Variants in PLXDC2 observed in about 807,000 individuals in gnomAD.
PLXDC2 encodes the protein plexin domain-containing protein 2.
In PLXDC2, 40 loss-of-function variants were observed where a neutral mutation model predicts 68.9. The observed-to-expected ratio is 0.58, with a 90% confidence interval of 0.45 to 0.76. The LOEUF (loss-of-function observed/expected upper bound fraction) is 0.76, where lower values mean the gene tolerates loss of function less well. PLXDC2 is among the 30% of genes least tolerant of loss of function. The pLI is 0.00. For synonymous variants in PLXDC2, 243 were observed against 234.2 expected (o/e 1.04, Z -0.34); for missense variants, 644 against 661.9 (o/e 0.97, Z 0.30).
chr10:20,144,191 AT>A (rs1834043594), intron 5 of PLXDC2, among the ~76,000 whole-genome samples: 1 of 152,278 alleles, frequency 6.6e-6, no homozygotes, highest in East Asian at 1.9e-4. Flanking sequence ...TGTATTTATC[AT>A]TCAAAAATGA....
chr10:20,266,205 T>A lies in PLXDC2; in HGVS notation c.1474-13498T>A, dbSNP rs576594734. Among the ~76,000 whole-genome samples, 4 of 152,250 alleles carry A rather than the reference T, an allele frequency of 2.6e-5. No individual in the cohort carries two copies. In the South Asian group the frequency reaches 8.3e-4, roughly 32 times the overall value. On this transcript the variant is annotated intron_variant, in intron 13 of 13. Transcript: ENST00000377252. ...GTTTTAGCAAACAACATAATGACAT[T>A]TGAATATTTCTTTGTTTAGAAAAAG...
intron 9 of PLXDC2, among the ~76,000 whole-genome samples, chr10:20,182,194 C>A (rs898610900): frequency 5.3e-5 from 8 of 151,572 alleles, no homozygotes; most frequent in African/African-American, 1.9e-4. Context: ...TCCCATGTAA[C>A]CATCACCACA....
chr10:20,076,499 A>G (rs974252813), intron 4 of PLXDC2, among the ~76,000 whole-genome samples: 1 of 152,218 alleles, frequency 6.6e-6, no homozygotes, highest in Non-Finnish European at 1.5e-5. Flanking sequence ...TGTTAATGAT[A>G]CCTGTTTCAT....
At chr10:20,168,532 T>G (rs1390439524) in intron 7 of PLXDC2, among the ~76,000 whole-genome samples, 1 of 152,164 alleles carries the variant, frequency 6.6e-6, no homozygotes, top group East Asian at 1.9e-4. Flanking sequence ...TATGTTGATG[T>G]GTGTTGTTTT....
At chr10:20,154,382 G>A (rs917248749) in intron 6 of PLXDC2, among the ~76,000 whole-genome samples, 5 of 152,180 alleles carry the variant, frequency 3.3e-5, no homozygotes, top group Non-Finnish European at 5.9e-5. Flanking sequence ...CTGGCAACAT[G>A]GTGTAACCCT....
intron 1 of PLXDC2, among the ~76,000 whole-genome samples, chr10:19,967,076 A>T (rs920713873): frequency 6.6e-6 from 1 of 152,206 alleles, no homozygotes; most frequent in African/African-American, 2.4e-5. Flanking sequence ...GGAGCAGCCA[A>T]CCTTGTATAA....
At chr10:20,020,173 A>T (rs1251913813) in intron 2 of PLXDC2, among the ~76,000 whole-genome samples, 1 of 108,962 alleles carries the variant, frequency 9.2e-6, no homozygotes, top group Non-Finnish European at 1.8e-5. Flanking sequence ...CACCACACCC[A>T]GCAAATTTTT....
Position 19,903,408 on chromosome 10 carries a change from T to C in PLXDC2, c.112+86217T>C, listed in dbSNP as rs1048343105. Among the ~76,000 whole-genome samples the C allele has an allele frequency of 4.6e-5, 7 of 151,794 alleles. No homozygotes were observed. The East Asian group carries it at 1.2e-3, about 25-fold the overall frequency. On this transcript the variant is annotated intron_variant, in intron 1 of 13. Coordinates refer to ENST00000377252, the MANE Select transcript of PLXDC2 (RefSeq NM_032812.9). ...ATCTTCCTGGTTTAATCTGGGAGGG[T>C]TGTATATTTCCAGGAATTTATCCAT...
chr10:19,871,100 T>G (rs72784144), intron 1 of PLXDC2, among the ~76,000 whole-genome samples: 27,405 of 152,138 alleles, frequency 0.18, 3,071 homozygotes, highest in African/African-American at 0.32. Flanking sequence ...AAGGCAGGTC[T>G]AGATCCTCTT....
intron 1 of PLXDC2, among the ~76,000 whole-genome samples, chr10:19,947,695 TTTTC>T (rs1440284601): frequency 5.8e-5 from 8 of 137,778 alleles, no homozygotes; most frequent in Non-Finnish European, 9.3e-5. Context: ...TCCTTTTTTC[TTTTC>T]TTTCTTTCTT....
chr10:20,219,330 G>T (rs1482354258), intron 12 of PLXDC2, among the ~76,000 whole-genome samples: 2 of 152,182 alleles, frequency 1.3e-5, no homozygotes, highest in Non-Finnish European at 2.9e-5. Flanking sequence ...CAATGATAAA[G>T]TGGAAAATTC....
intron 1 of PLXDC2, among the ~76,000 whole-genome samples, chr10:19,895,790 C>T (rs187041477): frequency 1.8e-4 from 27 of 152,198 alleles, no homozygotes; most frequent in Admixed American, 1.1e-3. Flanking sequence ...CATGGTGGCT[C>T]GTGCCTGTAA....
chr10:20,132,065 G>A (rs910151858), intron 4 of PLXDC2, among the ~76,000 whole-genome samples: 49 of 152,248 alleles, frequency 3.2e-4, no homozygotes, highest in Admixed American at 1.2e-3. Flanking sequence ...TTTGTCTCAA[G>A]ATATCTTTTA....
intron 9 of PLXDC2, among the ~76,000 whole-genome samples, chr10:20,195,786 G>T (rs973325491): frequency 6.6e-6 from 1 of 152,060 alleles, no homozygotes; most frequent in Non-Finnish European, 1.5e-5. Context: ...GAGATGAGTT[G>T]ATTCATTCAT....
intron 1 of PLXDC2, among the ~76,000 whole-genome samples, chr10:19,845,115 A>ACTC (rs1438431656): frequency 6.6e-6 from 1 of 151,958 alleles, no homozygotes; most frequent in African/African-American, 2.4e-5. Flanking sequence ...CCCACCCCCA[A>ACTC]CCTGTGGGGC....
At chr10:19,858,220 C>T (rs1837251574) in intron 1 of PLXDC2, among the ~76,000 whole-genome samples, 1 of 152,114 alleles carries the variant, frequency 6.6e-6, no homozygotes. Flanking sequence ...TGTAGTCCCC[C>T]AAATTACCCT....
intron 1 of PLXDC2, among the ~76,000 whole-genome samples, chr10:19,864,533 TC>T (rs958187257): frequency 9.8e-5 from 15 of 152,304 alleles, no homozygotes; most frequent in African/African-American, 3.6e-4. Flanking sequence ...ATTTTTTTTA[TC>T]AAAAATATTA....
intron 11 of PLXDC2, 65 bp downstream of exon 11, chr10:20,217,641 A>C: frequency 6.9e-7 from 1 of 1,455,622 alleles, no homozygotes; most frequent in Non-Finnish European, 9.1e-7. Context: ...AGGAAGGAAA[A>C]ATCACTGTGT....
chr10:20,017,355 T>G (rs963913356), intron 2 of PLXDC2, among the ~76,000 whole-genome samples: 1 of 152,156 alleles, frequency 6.6e-6, no homozygotes, highest in African/African-American at 2.4e-5. Flanking sequence ...CCTTGTAGAC[T>G]CATTCATGCC....
Sources: gnomAD v4.1 joint callset for allele counts (sites outside exome capture counted in the v4.1 genomes callset) on GRCh38, gnomAD v4.1.1 for gene constraint, MANE v1.5 for transcripts, NCBI Gene and HGNC (gene_info 2026-07-23, HGNC 2026-07-21) for gene names.